Variants in PRR5L observed in about 807,000 individuals in gnomAD.
The protein encoded by PRR5L is proline rich 5 like.
A neutral mutation model predicts 36.4 loss-of-function variants in PRR5L; 21 were observed. That is an observed-to-expected ratio of 0.58 (90% CI 0.41 to 0.83). PRR5L has a LOEUF of 0.83. Ranked by LOEUF, PRR5L falls within the 40% of genes least tolerant of loss-of-function variation. The pLI, the probability that PRR5L is intolerant of heterozygous loss-of-function variation, is 0.00. For synonymous variants in PRR5L, 188 were observed against 197.0 expected, an observed-to-expected ratio of 0.95 and a Z score of 0.38; for missense variants, 381 against 473.3, an observed-to-expected ratio of 0.80 and a Z score of 1.81.
At chr11:36,399,037 G>GT (rs1305623589) in intron 1 of PRR5L, among the ~76,000 whole-genome samples, 1 of 152,216 alleles carries the variant, frequency 6.6e-6, no homozygotes, top group African/African-American at 2.4e-5. Flanking sequence ...CCTTTACTGG[G>GT]TGAGTTAAAT....
At chr11:36,370,655 G>A (rs752034915) in intron 1 of PRR5L, among the ~76,000 whole-genome samples, 4 of 152,164 alleles carry the variant, frequency 2.6e-5, no homozygotes, top group Non-Finnish European at 5.9e-5. Flanking sequence ...GCCAACGCGG[G>A]CAAATCACAA....
At chr11:36,407,890 A>T (rs1329446931) in intron 3 of PRR5L, among the ~76,000 whole-genome samples, 1 of 152,184 alleles carries the variant, frequency 6.6e-6, no homozygotes, top group East Asian at 1.9e-4. Flanking sequence ...ATAGACTTTG[A>T]AGTAATTATG....
chr11:36,410,269 C>T (rs891934558), intron 3 of PRR5L, among the ~76,000 whole-genome samples: 1 of 152,188 alleles, frequency 6.6e-6, no homozygotes, highest in Non-Finnish European at 1.5e-5. Context: ...TTTCCGGCCT[C>T]TCTGGAAAGG....
chr11:36,417,029 C>A (rs1012895510), intron 3 of PRR5L, among the ~76,000 whole-genome samples: 4 of 152,160 alleles, frequency 2.6e-5, no homozygotes, highest in African/African-American at 9.7e-5. Context: ...CCCTTAACCC[C>A]GACCTTTTTC....
rs188728332 is a variant in PRR5L at position 36,305,117 on chromosome 11, A to G, written c.-126+8679A>G. ...TATTCATAATAGCCAAAAGGTGGAA[A>G]CAACCCAACTGTTCATCAACTAATG... On this transcript the variant is annotated intron_variant, in intron 1 of 8. Coordinates refer to ENST00000530639, the MANE Select transcript of PRR5L (RefSeq NM_001160167.2). Among the ~76,000 whole-genome samples the G allele has an allele frequency of 3.1e-3, 471 of 152,386 alleles. 2 individuals are homozygous for G. The highest frequency in any genetic ancestry group is 5.0e-3 in the Non-Finnish European group (342 of 68,042).
intron 7 of PRR5L, among the ~76,000 whole-genome samples, chr11:36,449,441 C>T (rs1052463764): frequency 6.6e-6 from 1 of 152,256 alleles, no homozygotes; most frequent in African/African-American, 2.4e-5. Context: ...GACCCAACTC[C>T]ACCCTTCCCA....
At chr11:36,417,363 C>T (rs1156833421) in intron 3 of PRR5L, among the ~76,000 whole-genome samples, 1 of 152,218 alleles carries the variant, frequency 6.6e-6, no homozygotes. Flanking sequence ...AAGCCTCCGT[C>T]CACTTGGGGC....
intron 1 of PRR5L, among the ~76,000 whole-genome samples, chr11:36,307,821 A>G (rs1856451215): frequency 6.6e-6 from 1 of 152,252 alleles, no homozygotes; most frequent in African/African-American, 2.4e-5. Context: ...TTGAAAAAAT[A>G]AAAGTACTCC....
chr11:36,463,058 A>G lies in PRR5L; in HGVS notation c.*322A>G, dbSNP rs117254525. 7.7e-6 allele frequency: 2 copies of G among 259,610 alleles called. No homozygotes were observed. The highest frequency in any genetic ancestry group is 1.5e-5 in the Non-Finnish European group (2 of 137,130). The allele number at this position is 259,610 out of a possible 1,614,324, so 16.1% of individuals were successfully genotyped here. A position where few individuals can be genotyped will look rare whatever the true frequency, so the allele number is the denominator to read the frequency against. On this transcript the variant is annotated 3_prime_UTR_variant, in exon 9 of 9. Transcript: ENST00000530639. ...GATGTTGGACTGCCTGATGCTCCCA[A>G]TGACATATCCAATGCTCCTGGCATT...
rs1288833731 is a variant in PRR5L, at chr11:36,351,228, TTA to T, written c.-125-49761_-125-49760del. On this transcript the variant is annotated intron_variant, in intron 1 of 8. Coordinates refer to ENST00000530639, the MANE Select transcript of PRR5L (RefSeq NM_001160167.2). ...AATATAAATATATAAATATATATAT[TTA>T]TATATATTTATATATATTTTTATAT... Among the ~76,000 whole-genome samples the T allele has an allele frequency of 7.9e-3, 656 of 83,488 alleles. 18 individuals are homozygous for T. Among genetic ancestry groups the T allele is most frequent in the African/African-American group, 0.032 (610 of 19,146 alleles). The allele number at this position is 83,488 out of a possible 152,430, so 54.8% of individuals were successfully genotyped here. A position where few individuals can be genotyped will look rare whatever the true frequency, so the allele number is the denominator to read the frequency against.
chr11:36,360,994 T>G (rs1857080620), intron 1 of PRR5L, among the ~76,000 whole-genome samples: 1 of 152,248 alleles, frequency 6.6e-6, no homozygotes, highest in Admixed American at 6.5e-5. Context: ...TTCAATGTTC[T>G]GCTGTGGCTG....
At chr11:36,431,294 A>T (rs1401799775) in intron 4 of PRR5L, among the ~76,000 whole-genome samples, 1 of 152,200 alleles carries the variant, frequency 6.6e-6, no homozygotes, top group Non-Finnish European at 1.5e-5. Context: ...CTTATGATGT[A>T]GACAGGACGC....
chr11:36,368,507 G>A (rs1353819972), intron 1 of PRR5L, among the ~76,000 whole-genome samples: 1 of 152,162 alleles, frequency 6.6e-6, no homozygotes, highest in Non-Finnish European at 1.5e-5. Flanking sequence ...GTAGTTCAGG[G>A]ACCCTTAGGG....
In PRR5L at chr11:36,462,403, C is replaced by T. The variant is rs537729454; in HGVS notation, c.774C>T (p.Thr258=). The T allele has an allele frequency of 5.1e-6, 8 of 1,565,980 alleles. No homozygotes were observed. The highest frequency in any genetic ancestry group is 1.7e-4 in the Middle Eastern group (1 of 5,834). Residue 258 remains threonine, a synonymous_variant, in exon 9 of 9, where the codon ACC becomes ACT. Transcript: ENST00000530639. ...TCCTGAACTATGCCTCCCCGATAAC[C>T]GCAGTCAGCCGGCCACTGAATGAGA... ...VTVLNYASPI[T]AVSRPLNEMV... is the part of the protein sequence containing the mutation.
chr11:36,308,216 C>T (rs1856455148), intron 1 of PRR5L, among the ~76,000 whole-genome samples: 1 of 152,222 alleles, frequency 6.6e-6, no homozygotes, highest in Non-Finnish European at 1.5e-5. Flanking sequence ...AATTGTGAAA[C>T]TCAGTAGCCT....
intron 1 of PRR5L, among the ~76,000 whole-genome samples, chr11:36,312,535 T>C (rs1014546074): frequency 6.6e-6 from 1 of 152,194 alleles, no homozygotes; most frequent in African/African-American, 2.4e-5. Context: ...AGCTGTTCAT[T>C]GCCACTCACT....
chr11:36,440,836 C>T (rs113834985), intron 6 of PRR5L, among the ~76,000 whole-genome samples: 26 of 152,310 alleles, frequency 1.7e-4, no homozygotes, highest in African/African-American at 6.3e-4. Context: ...CAGTGTATCA[C>T]ATGGCAAGAG....
intron 1 of PRR5L, among the ~76,000 whole-genome samples, chr11:36,308,090 G>A (rs181615115): frequency 1.7e-4 from 26 of 152,278 alleles, no homozygotes; most frequent in Admixed American, 1.1e-3. Context: ...GTCCCCTGAG[G>A]GGGAACATTT....
intron 5 of PRR5L, among the ~76,000 whole-genome samples, chr11:36,436,304 A>G (rs576693143): frequency 2.6e-5 from 4 of 152,344 alleles, no homozygotes; most frequent in Admixed American, 6.5e-5. Context: ...AGAGGCAGTG[A>G]CCAATATCAG....
Sources: gnomAD v4.1 joint callset for allele counts (sites outside exome capture counted in the v4.1 genomes callset) on GRCh38, gnomAD v4.1.1 for gene constraint, MANE v1.5 for transcripts, NCBI Gene and HGNC (gene_info 2026-07-23, HGNC 2026-07-21) for gene names.